Variants in SNX7 observed in about 807,000 individuals in gnomAD.
SNX7 encodes sorting nexin-7.
Under a neutral mutation model 48.4 loss-of-function variants are expected in SNX7, and 35 were observed. That is an observed-to-expected ratio of 0.72 (90% CI 0.55 to 0.96). The LOEUF is 0.96. Among genes scored for constraint, SNX7 ranks in the 40% least tolerant of loss-of-function variants. The pLI is 0.00. For synonymous variants in SNX7, 190 were observed against 190.2 expected, an observed-to-expected ratio of 1.00 and a Z score of 0.01; for missense variants, 553 against 548.9, an observed-to-expected ratio of 1.01 and a Z score of -0.07.
At chr1:98,668,821 T>C (rs551911745) in intron 1 of SNX7, among the ~76,000 whole-genome samples, 3 of 152,242 alleles carry the variant, frequency 2.0e-5, no homozygotes, top group Non-Finnish European at 4.4e-5. Context: ...ATTCAGAAAA[T>C]AGATTTCTAA....
intron 7 of SNX7, among the ~76,000 whole-genome samples, chr1:98,714,807 G>A (rs981005564): frequency 4.6e-5 from 7 of 152,312 alleles, no homozygotes; most frequent in African/African-American, 1.2e-4. Flanking sequence ...GCGAGCGGAC[G>A]AACAATGTGT....
chr1:98,671,912 G>A (rs1170719765), intron 1 of SNX7, among the ~76,000 whole-genome samples: 1 of 151,886 alleles, frequency 6.6e-6, no homozygotes, highest in East Asian at 1.9e-4. Flanking sequence ...TAAACAAGCT[G>A]AATCATTTAA....
At position 98,695,655 on chromosome 1, in the gene SNX7, A is replaced by C; in HGVS notation, c.777A>C (p.Leu259=). Residue 259 remains leucine (L), a synonymous_variant, in exon 5 of 9, where the codon CTA becomes CTC. Coordinates refer to ENST00000306121, the MANE Select transcript of SNX7 (RefSeq NM_015976.5). Reference sequence around the variant, plus strand: ...TGGAAATGAATAACTTTATTGAACTATTTAGCCAGAAAATAAATTTGATAG... The same window carrying C: ...TGGAAATGAATAACTTTATTGAACTCTTTAGCCAGAAAATAAATTTGATAG... ...EFMEMNNFIE[L]FSQKINLIDK... 1 of 1,608,572 alleles carries C rather than the reference A, an allele frequency of 6.2e-7. No homozygotes were observed. Among genetic ancestry groups the C allele is most frequent in the Middle Eastern group, 1.7e-4 (1 of 6,050 alleles).
intron 7 of SNX7, among the ~76,000 whole-genome samples, chr1:98,722,652 T>A (rs1359458863): frequency 6.6e-6 from 1 of 151,968 alleles, no homozygotes; most frequent in Non-Finnish European, 1.5e-5. Flanking sequence ...TTTTTTTCCA[T>A]AAAAGGAAAT....
chr1:98,729,055 C>T (rs1324493406), intron 7 of SNX7, among the ~76,000 whole-genome samples: 2 of 152,140 alleles, frequency 1.3e-5, no homozygotes, highest in East Asian at 1.9e-4. Flanking sequence ...GTAAAACATT[C>T]CTCAACAAAT....
chr1:98,701,305 G>C (rs1018662501), intron 6 of SNX7, among the ~76,000 whole-genome samples: 1 of 152,074 alleles, frequency 6.6e-6, no homozygotes, highest in Non-Finnish European at 1.5e-5. Flanking sequence ...AAAATAAAAT[G>C]CTTAGGATAT....
intron 8 of SNX7, among the ~76,000 whole-genome samples, chr1:98,741,066 A>G (rs1384158): frequency 0.29 from 43,755 of 152,062 alleles, 6,833 homozygotes; most frequent in Non-Finnish European, 0.34. Flanking sequence ...AACTATTAAT[A>G]TCAGAAAATC....
At chr1:98,709,242 A>G (rs1652175499) in intron 7 of SNX7, among the ~76,000 whole-genome samples, 2 of 152,212 alleles carry the variant, frequency 1.3e-5, no homozygotes, top group Admixed American at 6.5e-5. Context: ...TCTTTGAAGT[A>G]TATATTAGTT....
chr1:98,744,329 G>C (rs17388542), intron 8 of SNX7, among the ~76,000 whole-genome samples: 43,776 of 151,732 alleles, frequency 0.29, 6,819 homozygotes, highest in Non-Finnish European at 0.34. Flanking sequence ...AGCAGGTGAA[G>C]AATCTGACAC....
chr1:98,757,492 C>A (rs763723417), intron 8 of SNX7, among the ~76,000 whole-genome samples: 3 of 151,930 alleles, frequency 2.0e-5, no homozygotes, highest in Non-Finnish European at 2.9e-5. Flanking sequence ...TATAAGGACA[C>A]CAGTCATATT....
chr1:98,662,811 T>TA, intron 1 of SNX7: 1 of 1,289,278 alleles, frequency 7.8e-7, no homozygotes, highest in South Asian at 1.2e-5. Context: ...TACCTGGAGA[T>TA]ATTAGGTAAA....
At chr1:98,721,153 T>G (rs541957324) in intron 7 of SNX7, among the ~76,000 whole-genome samples, 3 of 152,102 alleles carry the variant, frequency 2.0e-5, no homozygotes, top group Admixed American at 2.0e-4. Context: ...CTGGTACTTT[T>G]TGAGTACTGA....
intron 7 of SNX7, among the ~76,000 whole-genome samples, chr1:98,723,574 A>G (rs1011586705): frequency 7.2e-5 from 11 of 152,162 alleles, no homozygotes; most frequent in African/African-American, 2.6e-4. Context: ...TTCTACATAG[A>G]AAATTCTAGG....
intron 1 of SNX7, among the ~76,000 whole-genome samples, chr1:98,663,968 G>A (rs1423222867): frequency 6.6e-6 from 1 of 152,186 alleles, no homozygotes; most frequent in East Asian, 1.9e-4. Flanking sequence ...ATTTCAGTAA[G>A]TTGAATTTCT....
intron 1 of SNX7, among the ~76,000 whole-genome samples, chr1:98,672,586 A>G: frequency 6.6e-6 from 1 of 151,860 alleles, no homozygotes; most frequent in East Asian, 1.9e-4. Flanking sequence ...AAATTTTTAG[A>G]ATAGAGTATT....
chr1:98,733,972 A>T (rs1455718959), intron 7 of SNX7, among the ~76,000 whole-genome samples: 2 of 152,088 alleles, frequency 1.3e-5, no homozygotes, highest in African/African-American at 2.4e-5. Context: ...AATCCTTTTC[A>T]TGCTCAATAT....
intron 7 of SNX7, among the ~76,000 whole-genome samples, chr1:98,723,461 CT>C (rs34767358): frequency 0.26 from 39,884 of 151,248 alleles, 5,530 homozygotes; most frequent in South Asian, 0.31. Flanking sequence ...ATTTTATGGC[CT>C]TTTTTTTGGC....
At chr1:98,717,288 G>A (rs1652641476) in intron 7 of SNX7, among the ~76,000 whole-genome samples, 1 of 152,082 alleles carries the variant, frequency 6.6e-6, no homozygotes, top group South Asian at 2.1e-4. Flanking sequence ...ACAATACAAT[G>A]GGGTGTAGGT....
intron 8 of SNX7, among the ~76,000 whole-genome samples, chr1:98,759,732 C>T (rs1232142914): frequency 1.3e-5 from 2 of 152,090 alleles, no homozygotes; most frequent in African/African-American, 2.4e-5. Context: ...TATCATCACT[C>T]CTCCTCAGCT....
Sources: gnomAD v4.1 joint callset for allele counts (sites outside exome capture counted in the v4.1 genomes callset) on GRCh38, gnomAD v4.1.1 for gene constraint, MANE v1.5 for transcripts, NCBI Gene and HGNC (gene_info 2026-07-23, HGNC 2026-07-21) for gene names.